Variants in PGBD5 observed in about 807,000 individuals in gnomAD.
PGBD5 encodes the protein piggyBac transposable element derived 5, also known as piggyBac transposable element-derived protein 5.
A neutral mutation model predicts 47.9 loss-of-function variants in PGBD5; 14 were observed. That is an observed-to-expected ratio of 0.29 (90% CI 0.19 to 0.46). The LOEUF is 0.46. PGBD5 is among the 20% of genes least tolerant of loss of function. PGBD5 has a pLI of 1.00. For missense variants in PGBD5, 635 were observed against 716.0 expected, an observed-to-expected ratio of 0.89 and a Z score of 1.29; for synonymous variants, 316 against 306.3, an observed-to-expected ratio of 1.03 and a Z score of -0.33.
intron 3 of PGBD5, among the ~76,000 whole-genome samples, chr1:230,339,510 C>T (rs1667378270): frequency 6.6e-6 from 1 of 152,194 alleles, no homozygotes; most frequent in South Asian, 2.1e-4. Flanking sequence ...CTTCTGAGTA[C>T]ACACCCAAAG....
chr1:230,402,064 T>A (rs1657151144), intron 1 of PGBD5, among the ~76,000 whole-genome samples: 1 of 152,118 alleles, frequency 6.6e-6, no homozygotes, highest in South Asian at 2.1e-4. Flanking sequence ...GAGAAGGCAG[T>A]TTTGCCTTTG....
Position 230,323,432 on chromosome 1 carries a change from G to T in PGBD5, c.1568C>A (p.Thr523Asn), listed in dbSNP as rs1366164054. Residue 523 changes from threonine (T) to asparagine (N), a missense_variant, in exon 7 of 7, where the codon ACC (threonine) becomes AAC (asparagine). Transcript: ENST00000391860. This position sits in a 1 kb window ranked among gnomAD's most constrained non-coding sequence, Gnocchi z 4.1. ...ELLGLEDASP[T>N]H ...AGTCCTGCGCCCCCAGCATCAGTGG[G>T]TCGGAGAGGCATCCTCCAAGCCCAG... 3.1e-6 allele frequency: 5 copies of T among 1,613,300 alleles called. No individual in the cohort carries two copies. Among genetic ancestry groups the T allele is most frequent in the African/African-American group, 1.3e-5 (1 of 74,884 alleles).
chr1:230,350,049 C>G (rs933253236), intron 3 of PGBD5, among the ~76,000 whole-genome samples: 3 of 152,176 alleles, frequency 2.0e-5, no homozygotes, highest in Non-Finnish European at 2.9e-5. Flanking sequence ...CAGAATCTTC[C>G]TACGAATCCT....
At chr1:230,359,790 G>T (rs546562290) in intron 1 of PGBD5, among the ~76,000 whole-genome samples, 1 of 152,172 alleles carries the variant, frequency 6.6e-6, no homozygotes, top group Non-Finnish European at 1.5e-5. Flanking sequence ...CAGCCAGGCC[G>T]AGGGCTTTCC....
chr1:230,361,383 G>C (rs1667739924), intron 1 of PGBD5, among the ~76,000 whole-genome samples: 1 of 152,108 alleles, frequency 6.6e-6, no homozygotes, highest in Non-Finnish European at 1.5e-5. Flanking sequence ...TCGGTGTCTG[G>C]GCTAGGATGA....
At chr1:230,422,685 A>C (rs1657676344) in intron 1 of PGBD5, among the ~76,000 whole-genome samples, 1 of 152,128 alleles carries the variant, frequency 6.6e-6, no homozygotes, top group Admixed American at 6.5e-5. Context: ...TCCACCCATA[A>C]CTACTGGCCG....
intron 1 of PGBD5, among the ~76,000 whole-genome samples, chr1:230,409,769 A>G (rs1657375450): frequency 6.6e-6 from 1 of 152,142 alleles, no homozygotes. Context: ...TACACACTAA[A>G]TGGCTGAATT....
At position 230,338,773 on chromosome 1, in the gene PGBD5, C is replaced by T. The variant is rs145650487; in HGVS notation, c.895-1485G>A. ...TGAGATCGTGCCATTGCACTCCAGCCTAGGCGACAAGAGCGAAATTCCATC... is the reference window on the plus strand; with the variant it reads ...TGAGATCGTGCCATTGCACTCCAGCTTAGGCGACAAGAGCGAAATTCCATC... On this transcript the variant is annotated intron_variant, in intron 3 of 6. Transcript: ENST00000391860. 8.9e-3 allele frequency among the ~76,000 whole-genome samples: 1,351 copies of T among 151,970 alleles called. 24 individuals are homozygous for T. The highest frequency in any genetic ancestry group is 0.031 in the African/African-American group (1,282 of 41,418).
At chr1:230,334,149 C>T (rs17764085) in intron 4 of PGBD5, among the ~76,000 whole-genome samples, 2,418 of 152,306 alleles carry the variant, frequency 0.016, 31 homozygotes, top group Non-Finnish European at 0.024. Flanking sequence ...TTTCCTCTTC[C>T]GAATTCCTTT....
At chr1:230,338,597 G>A (rs1258009139) in intron 3 of PGBD5, among the ~76,000 whole-genome samples, 3 of 152,136 alleles carry the variant, frequency 2.0e-5, no homozygotes, top group Admixed American at 6.5e-5. Context: ...TCAGGAGTTC[G>A]AGACCAGCCT....
chr1:230,371,864 C>T (rs1281685452), intron 1 of PGBD5, among the ~76,000 whole-genome samples: 1 of 152,196 alleles, frequency 6.6e-6, no homozygotes, highest in African/African-American at 2.4e-5. Flanking sequence ...TGATGCTGCC[C>T]TACCGCGGAA....
intron 1 of PGBD5, among the ~76,000 whole-genome samples, chr1:230,365,080 A>C (rs1433472934): frequency 6.6e-6 from 1 of 150,534 alleles, no homozygotes; most frequent in Non-Finnish European, 1.5e-5. Context: ...TTGGGAGGCC[A>C]AGGTGGGTGG....
Position 230,323,370 on chromosome 1 carries a change from G to A in PGBD5, c.*55C>T. 6.4e-7 allele frequency: 1 copy of A among 1,564,548 alleles called. No homozygotes were observed. Among genetic ancestry groups the A allele is most frequent in the Admixed American group, 1.8e-5 (1 of 55,012 alleles). On this transcript the variant is annotated 3_prime_UTR_variant, in exon 7 of 7. Transcript: ENST00000391860. This position sits in a 1 kb window ranked among gnomAD's most constrained non-coding sequence, Gnocchi z 4.1. ...GGTCTCTGATGGGCAAGTTGGAACGGCAGGCTCTCCTCCTCCTCTTGCCCC... is the reference window on the plus strand; with the variant it reads ...GGTCTCTGATGGGCAAGTTGGAACGACAGGCTCTCCTCCTCCTCTTGCCCC...
intron 1 of PGBD5, among the ~76,000 whole-genome samples, chr1:230,398,984 G>A (rs569605846): frequency 3.3e-5 from 5 of 152,044 alleles, no homozygotes; most frequent in South Asian, 2.1e-4. Context: ...CCAGGAGCCC[G>A]GCAGAACCTT....
At chr1:230,356,704 T>C (rs1571837737) in intron 2 of PGBD5, among the ~76,000 whole-genome samples, 190 bp downstream of exon 2, 2 of 152,210 alleles carry the variant, frequency 1.3e-5, no homozygotes, top group East Asian at 3.8e-4. Context: ...GGAGCTATTA[T>C]TATTACTCCC....
At chr1:230,401,731 C>T (rs1657143413) in intron 1 of PGBD5, among the ~76,000 whole-genome samples, 2 of 152,222 alleles carry the variant, frequency 1.3e-5, no homozygotes, top group African/African-American at 2.4e-5. Context: ...CGGCCACATT[C>T]GCTGACCTCT....
At position 230,319,667 on chromosome 1, in the gene PGBD5, G is replaced by A. The variant is rs909454558; in HGVS notation, c.*3758C>T. ...GGGACCTGCAATCTTCTTGCTTCTT[G>A]CACGCAGCAGAGTTAACTCAATTTT... On this transcript the variant is annotated 3_prime_UTR_variant, in exon 7 of 7. Coordinates refer to ENST00000391860, the MANE Select transcript of PGBD5 (RefSeq NM_001258311.2). 3.3e-5 allele frequency: 5 copies of A among 152,086 alleles called. No individual in the cohort carries two copies. The highest frequency in any genetic ancestry group is 1.2e-4 in the African/African-American group (5 of 41,392). The allele number at this position is 152,086 out of a possible 1,614,324, so 9.4% of individuals were successfully genotyped here. A position where few individuals can be genotyped will look rare whatever the true frequency, so the allele number is the denominator to read the frequency against.
intron 1 of PGBD5, among the ~76,000 whole-genome samples, chr1:230,422,858 C>G (rs1657687156): frequency 1.3e-5 from 2 of 152,090 alleles, no homozygotes; most frequent in African/African-American, 2.4e-5. Context: ...TCCTCCCTCT[C>G]CCAGCTGGGC....
chr1:230,396,838 G>A (rs1311203264), intron 1 of PGBD5, among the ~76,000 whole-genome samples: 1 of 152,142 alleles, frequency 6.6e-6, no homozygotes, highest in Non-Finnish European at 1.5e-5. Flanking sequence ...CCTCCCCATG[G>A]GATTGTGTGC....
Sources: allele counts gnomAD v4.1 joint callset (sites outside exome capture counted in the v4.1 genomes callset), GRCh38; gene constraint gnomAD v4.1.1; non-coding constraint Gnocchi (gnomAD v3.1); transcripts MANE v1.5; gene names NCBI Gene and HGNC (gene_info 2026-07-23, HGNC 2026-07-21).